NASP: variants seen among roughly 807,000 people sequenced by gnomAD.
The protein encoded by NASP is nuclear autoantigenic sperm protein.
A neutral mutation model predicts 89.5 loss-of-function variants in NASP; 24 were observed. The observed-to-expected ratio is 0.27, with a 90% CI of 0.19 to 0.38. The LOEUF (loss-of-function observed/expected upper bound fraction) is 0.38. Ranked by LOEUF, NASP falls within the 10% of genes least tolerant of loss-of-function variation. The pLI, the probability that NASP is intolerant of heterozygous loss-of-function variation, is 1.00. For synonymous variants in NASP, 306 were observed against 324.7 expected, an observed-to-expected ratio of 0.94 and a Z score of 0.62; for missense variants, 848 against 921.4, an observed-to-expected ratio of 0.92 and a Z score of 1.03.
At chr1:45,606,785 A>G in intron 5 of NASP, 194 bp downstream of exon 5, 1 of 456,924 alleles carries the variant, frequency 2.2e-6, no homozygotes, top group Non-Finnish European at 3.9e-6. Flanking sequence ...AAAGAGAATA[A>G]CTTATTTTCT....
In NASP at chr1:45,607,870, C is replaced by G; in HGVS notation, c.959C>G (p.Thr320Ser). ...GACGAGCCAGAGGAGAAGGTAGTTACCTCTGAAAACGAGGCAGGAAAGGCG... is the reference window on the plus strand; with the variant it reads ...GACGAGCCAGAGGAGAAGGTAGTTAGCTCTGAAAACGAGGCAGGAAAGGCG... The part of the protein sequence containing the change: ...GGDEPEEKVV[T>S]SENEAGKAVL... Residue 320 changes from threonine to serine, a missense_variant, in exon 6 of 15, where the codon ACC becomes AGC. Thr to Ser is a moderately conservative substitution (Grantham distance 58). This residue lies in a region of NASP where 464 missense variants were observed against 469.4 expected (regional missense o/e 0.99). Transcript: ENST00000350030. 1 of 1,614,130 alleles carries G rather than the reference C, an allele frequency of 6.2e-7. No individual in the cohort carries two copies. The highest frequency in any genetic ancestry group is 8.5e-7 in the Non-Finnish European group (1 of 1,180,036).
chr1:45,616,666 A>G lies in NASP; in HGVS notation c.2120A>G (p.Asn707Ser). 6.2e-7 allele frequency: 1 copy of G among 1,614,158 alleles called. No homozygotes were observed. Among genetic ancestry groups the G allele is most frequent in the South Asian group, 1.1e-5 (1 of 91,088 alleles). The change falls in exon 13 of 15, where the codon AAT becomes AGT. Residue 707 changes from asparagine to serine, a missense_variant. Around this residue, in one of 5 missense-constraint regions of NASP, gnomAD observed 218 missense variants for 219.6 expected, o/e 0.99. Coordinates refer to ENST00000350030, the MANE Select transcript of NASP (RefSeq NM_002482.4). ...RKPTDGASSS[N>S]CVTDISHLVR... ...CCAACAGACGGTGCTTCCTCATCAA[A>G]TTGTGTGACTGATATTTCCCACCTT...
Position 45,614,548 on chromosome 1 carries a change from G to GT in NASP, c.1666+190dup, listed in dbSNP as rs10718022. On this transcript the variant is annotated intron_variant, in intron 9 of 14. Coordinates refer to ENST00000350030, the MANE Select transcript of NASP (RefSeq NM_002482.4). ...TCTTCCAGTAGGTTTGTTTTGTTTTGTTTTTTTTGAGATGGGGTCTTGCTG... is the reference window on the plus strand; with the variant it reads ...TCTTCCAGTAGGTTTGTTTTGTTTTGTTTTTTTTTGAGATGGGGTCTTGCTG... Among the ~76,000 whole-genome samples, 8 of 151,606 alleles carry GT rather than the reference G, an allele frequency of 5.3e-5. No homozygotes were observed. The South Asian group carries it at 1.0e-3, about 20-fold the overall frequency.
intron 3 of NASP, among the ~76,000 whole-genome samples, chr1:45,603,937 A>T (rs1557658499): frequency 1.3e-5 from 2 of 152,208 alleles, no homozygotes; most frequent in African/African-American, 2.4e-5. Context: ...TTAAAAATGC[A>T]TGGTTGTCTT....
At chr1:45,584,301 G>A (rs1644494485) in intron 1 of NASP, 96 bp downstream of exon 1, 10 of 1,167,484 alleles carry the variant, frequency 8.6e-6, no homozygotes, top group Non-Finnish European at 1.1e-5. Context: ...GTGGGCGGGA[G>A]TACTTGCCTT....
rs769590735 is a variant in NASP, at chr1:45,615,433, A to T, written c.1984A>T (p.Ser662Cys). 1.1e-5 allele frequency: 18 copies of T among 1,614,082 alleles called. No individual in the cohort carries two copies. The highest frequency in any genetic ancestry group is 1.5e-5 in the Non-Finnish European group (18 of 1,179,994). ...AGAAGATGCAAAGGAGTCTCAGCGTAGTGGGAATGTAGCTGAACTGGCTCT... is the reference window on the plus strand; with the variant it reads ...AGAAGATGCAAAGGAGTCTCAGCGTTGTGGGAATGTAGCTGAACTGGCTCT... ...KIEDAKESQR[S>C]GNVAELALKA... The change falls in exon 11 of 15, where the codon AGT becomes TGT. Residue 662 changes from serine (S) to cysteine (C), a missense_variant. Around this residue, in one of 5 missense-constraint regions of NASP, gnomAD observed 218 missense variants for 219.6 expected, o/e 0.99. Coordinates refer to ENST00000350030, the MANE Select transcript of NASP (RefSeq NM_002482.4).
intron 6 of NASP, chr1:45,612,492 T>C (rs1158841953): frequency 6.6e-6 from 1 of 152,228 alleles, no homozygotes; most frequent in African/African-American, 2.4e-5. Flanking sequence ...ATGGTTGACT[T>C]GTGAGTGTAT....
At chr1:45,602,133 C>T in intron 2 of NASP, 122 bp from the exon 3 acceptor site, 3 of 1,176,644 alleles carry the variant, frequency 2.5e-6, no homozygotes, top group Non-Finnish European at 2.3e-6. Context: ...AGTGTGTTAG[C>T]CAGGCCTTGC....
In NASP at chr1:45,607,545, G is replaced by A. The variant is rs1036235436; in HGVS notation, c.634G>A (p.Glu212Lys). ...TLDWLTETSE[E>K]AKGGAAPEGP... Reference sequence around the variant, plus strand: ...AGATTGGTTAACTGAAACCTCTGAAGAGGCAAAAGGAGGAGCAGCACCAGA... The same window carrying A: ...AGATTGGTTAACTGAAACCTCTGAAAAGGCAAAAGGAGGAGCAGCACCAGA... The change falls in exon 6 of 15, where the codon GAG becomes AAG. Residue 212 changes from glutamate (E) to lysine (K), a missense_variant. Physicochemically the swap from Glu to Lys is moderately conservative, Grantham distance 56. This residue lies in a region of NASP where 464 missense variants were observed against 469.4 expected (regional missense o/e 0.99). Coordinates refer to ENST00000350030, the MANE Select transcript of NASP (RefSeq NM_002482.4). The A allele has an allele frequency of 2.5e-6, 4 of 1,613,900 alleles. No homozygotes were observed. Among genetic ancestry groups the A allele is most frequent in the African/African-American group, 2.7e-5 (2 of 74,912 alleles).
intron 1 of NASP, among the ~76,000 whole-genome samples, chr1:45,585,476 C>T (rs1462863006): frequency 6.6e-6 from 1 of 152,140 alleles, no homozygotes; most frequent in East Asian, 1.9e-4. Flanking sequence ...CCCTGAGAAT[C>T]ATTTGGGAAC....
chr1:45,603,197 T>A (rs1210630535), intron 3 of NASP, among the ~76,000 whole-genome samples: 1 of 152,118 alleles, frequency 6.6e-6, no homozygotes, highest in East Asian at 1.9e-4. Context: ...TTAATGTACC[T>A]CCATTATCTG....
rs76907544 is a variant in NASP, at chr1:45,593,086, T to C, written c.107+1816T>C. Among the ~76,000 whole-genome samples, 85 of 152,328 alleles carry C rather than the reference T, an allele frequency of 5.6e-4. No individual in the cohort carries two copies. In the East Asian group the frequency reaches 0.013, roughly 23 times the overall value. On this transcript the variant is annotated intron_variant, in intron 2 of 14. Coordinates refer to ENST00000350030, the MANE Select transcript of NASP (RefSeq NM_002482.4). ...GTAATGGTTATTTCCATTTACAAAA[T>C]AGGGTAATTCTCGATTGCTGTAAAT... is the stretch of plus-strand genomic sequence containing the variant.
At chr1:45,611,269 C>G (rs1644003904) in intron 6 of NASP, 1 of 151,944 alleles carries the variant, frequency 6.6e-6, no homozygotes, top group African/African-American at 2.4e-5. Context: ...CTACTCATAC[C>G]AGAATACTAG....
chr1:45,613,618 T>G (rs967131218), intron 7 of NASP, among the ~76,000 whole-genome samples: 1 of 152,172 alleles, frequency 6.6e-6, no homozygotes, highest in African/African-American at 2.4e-5. Flanking sequence ...GATAGCTAGG[T>G]CTCCAGATGT....
chr1:45,596,542 T>G (rs1042327171), intron 2 of NASP, among the ~76,000 whole-genome samples: 1 of 152,214 alleles, frequency 6.6e-6, no homozygotes, highest in African/African-American at 2.4e-5. Flanking sequence ...CAGAATTTCC[T>G]TGCTTTTTAT....
intron 1 of NASP, among the ~76,000 whole-genome samples, chr1:45,586,289 GTGTGTGTGT>G (rs772789419): frequency 0.13 from 13,123 of 97,770 alleles, 884 homozygotes; most frequent in Non-Finnish European, 0.16. Flanking sequence ...TGTGTGGTGT[GTGTGTGTGT>G]GTGTGTGTGT....
chr1:45,614,012 CTT>C, intron 7 of NASP, 82 bp from the exon 8 acceptor site: 3 of 1,148,520 alleles, frequency 2.6e-6, no homozygotes, highest in Non-Finnish European at 1.3e-6. Flanking sequence ...CGTATATCAA[CTT>C]TTTTTAAGCT....
At chr1:45,589,928 C>T (rs2152078) in intron 1 of NASP, among the ~76,000 whole-genome samples, 109,900 of 152,036 alleles carry the variant, frequency 0.72, 39,835 homozygotes, top group African/African-American at 0.76. Context: ...ATCAGACATA[C>T]CTATTGCCCA....
In NASP at chr1:45,608,034, C is replaced by T. The variant is rs370255034; in HGVS notation, c.1123C>T (p.Pro375Ser). The T allele has an allele frequency of 2.3e-5, 37 of 1,613,950 alleles. No individual in the cohort carries two copies. The African/African-American group carries it at 3.7e-4, about 16-fold the overall frequency. ...GCCTGGGCAGGAGGCTCCAGTTCTC[C>T]CTAAGGATGGTGCAGTCAATGGACC... The part of the protein sequence containing the change: ...EKPGQEAPVL[P>S]KDGAVNGPSV... Residue 375 changes from proline to serine, a missense_variant, in exon 6 of 15, where the codon CCT becomes TCT. By Grantham distance (74) the Pro-to-Ser change is moderately conservative (BLOSUM62 -1). Around this residue, in one of 5 missense-constraint regions of NASP, gnomAD observed 464 missense variants for 469.4 expected, o/e 0.99. Coordinates refer to ENST00000350030, the MANE Select transcript of NASP (RefSeq NM_002482.4).
Sources: gnomAD v4.1 joint callset for allele counts (sites outside exome capture counted in the v4.1 genomes callset) on GRCh38, gnomAD v4.1.1 for gene constraint, gnomAD v4.1.1 regional missense constraint, MANE v1.5 for transcripts, NCBI Gene and HGNC (gene_info 2026-07-23, HGNC 2026-07-21) for gene names.